DSCAM: variants seen among roughly 807,000 people sequenced by gnomAD.
DSCAM encodes cell adhesion molecule DSCAM.
A neutral mutation model predicts 217.7 loss-of-function variants in DSCAM; 47 were observed. That is an observed-to-expected ratio of 0.22 (90% CI 0.17 to 0.28). DSCAM has a LOEUF of 0.28. Among genes scored for constraint, DSCAM ranks in the 10% least tolerant of loss-of-function variants. The pLI is 1.00. For synonymous variants in DSCAM, 1,056 were observed against 1,015.3 expected, an observed-to-expected ratio of 1.04 and a Z score of -0.76; for missense variants, 2,080 against 2,618.3, an observed-to-expected ratio of 0.79 and a Z score of 4.49.
Position 40,353,741 on chromosome 21 carries a change from G to A in DSCAM, c.658C>T (p.Pro220Ser). The A allele has an allele frequency of 6.5e-7, 1 of 1,536,812 alleles. No homozygotes were observed. Among genetic ancestry groups the A allele is most frequent in the Non-Finnish European group, 8.7e-7 (1 of 1,149,990 alleles). The stretch of plus-strand genomic sequence containing the variant: ...AGTATGGATGGGGCTGAGTTCGCTG[G>A]GTCTGTAGAAGAAATAAAAACTCTT... ...SNSARLFVSD[P>S]ANSAPSILDG... Residue 220 changes from proline to serine, a missense_variant and splice_region_variant, in exon 5 of 33, where the codon CCA becomes TCA. Pro to Ser is a moderately conservative substitution (Grantham distance 74). Transcript: ENST00000400454.
At chr21:40,261,728 T>G (rs1462625679) in intron 11 of DSCAM, among the ~76,000 whole-genome samples, 2 of 151,960 alleles carry the variant, frequency 1.3e-5, no homozygotes, top group Non-Finnish European at 2.9e-5. Context: ...TATAAAGAGA[T>G]ATAAATATGT....
At chr21:40,522,331 G>A (rs899657316) in intron 3 of DSCAM, among the ~76,000 whole-genome samples, 2 of 152,148 alleles carry the variant, frequency 1.3e-5, no homozygotes, top group Non-Finnish European at 2.9e-5. Context: ...CACAACAAGG[G>A]ATAATAGCAA....
At chr21:40,605,791 C>CTTTTTTTTTTTTTTTTTTTTTTT (rs755767800) in intron 3 of DSCAM, among the ~76,000 whole-genome samples, 1 of 62,006 alleles carries the variant, frequency 1.6e-5, no homozygotes, top group African/African-American at 6.3e-5. Context: ...AATGCACATT[C>CTTTTTTTTTTTTTTTTTTTTTTT]TTTTTTTTTT....
At chr21:40,244,571 A>G (rs1461594432) in intron 11 of DSCAM, among the ~76,000 whole-genome samples, 1 of 152,164 alleles carries the variant, frequency 6.6e-6, no homozygotes, top group African/African-American at 2.4e-5. Flanking sequence ...TGCAGATCTA[A>G]GAGGTCTGAG....
intron 11 of DSCAM, among the ~76,000 whole-genome samples, chr21:40,238,477 G>A (rs899269749): frequency 6.6e-6 from 1 of 152,196 alleles, no homozygotes; most frequent in African/African-American, 2.4e-5. Flanking sequence ...ACAGCGAGTA[G>A]GAGAGGGGAT....
At chr21:40,633,291 C>T (rs148465280) in intron 3 of DSCAM, among the ~76,000 whole-genome samples, 136 of 152,222 alleles carry the variant, frequency 8.9e-4, no homozygotes, top group African/African-American at 3.0e-3. Flanking sequence ...ATGCACACAA[C>T]GTATAATCAA....
chr21:40,338,518 G>A (rs1601563686), intron 7 of DSCAM, 142 bp from the exon 8 acceptor site: 1 of 921,756 alleles, frequency 1.1e-6, no homozygotes, highest in East Asian at 2.8e-5. Flanking sequence ...ATTTTTGCAT[G>A]TGGCATTTTC....
intron 3 of DSCAM, among the ~76,000 whole-genome samples, chr21:40,421,122 G>A (rs2075419616): frequency 6.6e-6 from 1 of 152,180 alleles, no homozygotes; most frequent in African/African-American, 2.4e-5. Flanking sequence ...AATTGTTTCA[G>A]CCATGAAGAA....
intron 3 of DSCAM, among the ~76,000 whole-genome samples, chr21:40,517,908 T>TA (rs1486626677): frequency 6.6e-6 from 1 of 152,144 alleles, no homozygotes; most frequent in Non-Finnish European, 1.5e-5. Flanking sequence ...CCCAGTGCTC[T>TA]CATTTTTCAT....
At chr21:40,069,691 C>G (rs2089262332) in intron 27 of DSCAM, among the ~76,000 whole-genome samples, 1 of 152,138 alleles carries the variant, frequency 6.6e-6, no homozygotes, top group African/African-American at 2.4e-5. Context: ...ATATTACCAT[C>G]CATCAAAAGG....
At chr21:40,232,100 G>T (rs1244393357) in intron 11 of DSCAM, among the ~76,000 whole-genome samples, 1 of 152,084 alleles carries the variant, frequency 6.6e-6, no homozygotes, top group Non-Finnish European at 1.5e-5. Flanking sequence ...TATAAACAGT[G>T]CATGTTTACA....
chr21:40,341,776 T>C (rs1205445050), intron 6 of DSCAM, among the ~76,000 whole-genome samples: 1 of 152,220 alleles, frequency 6.6e-6, no homozygotes, highest in Non-Finnish European at 1.5e-5. Context: ...ACAGTACTAT[T>C]ATCTAACTCA....
intron 3 of DSCAM, among the ~76,000 whole-genome samples, chr21:40,537,161 TTTGA>T (rs1262635817): frequency 8.5e-5 from 13 of 152,314 alleles, no homozygotes; most frequent in Middle Eastern, 6.8e-3. Context: ...CATTGAGCAC[TTTGA>T]TTAATTTATT....
chr21:40,214,590 T>C (rs2091221912), intron 11 of DSCAM, among the ~76,000 whole-genome samples: 1 of 152,146 alleles, frequency 6.6e-6, no homozygotes, highest in African/African-American at 2.4e-5. Context: ...CCTACACCGC[T>C]GTCTTTGGGA....
intron 2 of DSCAM, among the ~76,000 whole-genome samples, chr21:40,706,648 C>A (rs1199255154): frequency 1.3e-5 from 2 of 152,156 alleles, no homozygotes; most frequent in Non-Finnish European, 2.9e-5. Context: ...TCAAACCTAC[C>A]CTTCAGCTGT....
intron 3 of DSCAM, among the ~76,000 whole-genome samples, chr21:40,398,041 G>C (rs879673011): frequency 1.3e-5 from 2 of 152,174 alleles, no homozygotes; most frequent in Non-Finnish European, 2.9e-5. Context: ...GAGTAAGCTT[G>C]TAGTTTAGGA....
At chr21:40,361,673 G>T (rs1012809327) in intron 4 of DSCAM, among the ~76,000 whole-genome samples, 1 of 152,104 alleles carries the variant, frequency 6.6e-6, no homozygotes, top group Non-Finnish European at 1.5e-5. Context: ...GGGAAGCTAT[G>T]TCATTTTATC....
intron 1 of DSCAM, among the ~76,000 whole-genome samples, chr21:40,726,764 G>A (rs960582225): frequency 6.6e-6 from 1 of 152,164 alleles, no homozygotes; most frequent in East Asian, 1.9e-4. Flanking sequence ...CAATGTGGCA[G>A]TATTGAGGGG....
chr21:40,756,976 C>CATGTGTGTGTGT (rs35592258), intron 1 of DSCAM, among the ~76,000 whole-genome samples: 13 of 149,708 alleles, frequency 8.7e-5, no homozygotes, highest in African/African-American at 2.9e-4. Context: ...AACAAATGGT[C>CATGTGTGTGTGT]GTGTGTGTGT....
Sources: gnomAD v4.1 joint callset for allele counts (sites outside exome capture counted in the v4.1 genomes callset) on GRCh38, gnomAD v4.1.1 for gene constraint, MANE v1.5 for transcripts, NCBI Gene and HGNC (gene_info 2026-07-23, HGNC 2026-07-21) for gene names.